The following PARD3 variants were observed in gnomAD, a reference collection of about 807,000 sequenced individuals.
PARD3 encodes the protein partitioning defective 3 homolog.
A neutral mutation model predicts 155.4 loss-of-function variants in PARD3; 75 were observed. That is an observed-to-expected ratio of 0.48 (90% CI 0.40 to 0.58). The LOEUF (loss-of-function observed/expected upper bound fraction) is 0.58, where lower values mean the gene tolerates loss of function less well. Ranked by LOEUF, PARD3 falls within the 20% of genes least tolerant of loss-of-function variation. The probability of loss-of-function intolerance (pLI) is 0.00; values close to 1 mark genes in which losing one functional copy is unlikely to be tolerated. For missense variants in PARD3, 1,642 were observed against 1,721.7 expected, an observed-to-expected ratio of 0.95 and a Z score of 0.82; for synonymous variants, 576 against 610.5, an observed-to-expected ratio of 0.94 and a Z score of 0.83.
chr10:34,281,902 G>A (rs1174740783), intron 21 of PARD3, among the ~76,000 whole-genome samples: 6 of 152,134 alleles, frequency 3.9e-5, no homozygotes, highest in South Asian at 2.1e-4. Flanking sequence ...ATAATATCCC[G>A]AGAGGTATTT....
chr10:34,245,595 C>CAAA lies in PARD3; in HGVS notation c.3419+24059_3419+24061dup, dbSNP rs34569323. Among the ~76,000 whole-genome samples the CAAA allele has an allele frequency of 5.3e-4, 81 of 151,840 alleles. 1 individual carries two copies. The highest frequency in any genetic ancestry group is 4.9e-3 in the Admixed American group (74 of 15,232). On this transcript the variant is annotated intron_variant, in intron 22 of 24. Transcript: ENST00000374788. ...ATCCCTGAAACAAAACAAAACAAAA[C>CAAA]AAAACAAAACAAAACAAAACAAGGA...
intron 1 of PARD3, among the ~76,000 whole-genome samples, chr10:34,717,957 C>A (rs1002254008): frequency 1.3e-5 from 2 of 151,904 alleles, no homozygotes; most frequent in African/African-American, 4.8e-5. Context: ...AGTTCGAGAC[C>A]ACCCTGGGCA....
intron 1 of PARD3, among the ~76,000 whole-genome samples, chr10:34,751,650 C>T (rs1836049249): frequency 6.6e-6 from 1 of 152,094 alleles, no homozygotes; most frequent in Non-Finnish European, 1.5e-5. Flanking sequence ...ATGACCCAGG[C>T]TAGAGTGTTG....
chr10:34,240,202 A>G (rs1953491941), intron 22 of PARD3, among the ~76,000 whole-genome samples: 1 of 152,224 alleles, frequency 6.6e-6, no homozygotes, highest in Admixed American at 6.5e-5. Flanking sequence ...CACTTAAAAA[A>G]TGTTCTCGTA....
intron 1 of PARD3, among the ~76,000 whole-genome samples, chr10:34,719,220 T>C (rs533102016): frequency 1.3e-5 from 2 of 152,198 alleles, no homozygotes; most frequent in Non-Finnish European, 2.9e-5. Context: ...CATCATTAAT[T>C]GTGACGTTTG....
chr10:34,249,559 G>A (rs1390876587), intron 22 of PARD3, among the ~76,000 whole-genome samples: 1 of 152,072 alleles, frequency 6.6e-6, no homozygotes, highest in Non-Finnish European at 1.5e-5. Context: ...AGTCCGTGCT[G>A]GGTATATTTT....
intron 2 of PARD3, among the ~76,000 whole-genome samples, chr10:34,671,437 C>A (rs966867774): frequency 4.6e-5 from 7 of 152,086 alleles, no homozygotes; most frequent in Admixed American, 1.3e-4. Context: ...TAGGCCACAA[C>A]GTTGAAATCT....
chr10:34,427,264 G>A (rs375018408), intron 5 of PARD3, among the ~76,000 whole-genome samples: 1 of 152,140 alleles, frequency 6.6e-6, no homozygotes, highest in Admixed American at 6.5e-5. Context: ...GAAATATTGC[G>A]GAATTCTTTC....
intron 1 of PARD3, 66 bp downstream of exon 1, chr10:34,814,810 C>A (rs1034692685): frequency 4.7e-6 from 6 of 1,274,350 alleles, no homozygotes; most frequent in Admixed American, 2.2e-5. Context: ...TTCCAGGAAG[C>A]GCCATATTGA....
chr10:34,192,201 G>T (rs1588696849), intron 22 of PARD3, among the ~76,000 whole-genome samples: 1 of 151,698 alleles, frequency 6.6e-6, no homozygotes, highest in African/African-American at 2.4e-5. Flanking sequence ...CTGAGTAGTT[G>T]GGACTACAGG....
intron 5 of PARD3, among the ~76,000 whole-genome samples, chr10:34,444,294 C>T (rs1589598813): frequency 6.6e-6 from 1 of 152,180 alleles, no homozygotes; most frequent in Non-Finnish European, 1.5e-5. Flanking sequence ...TTCTTCCAGT[C>T]ATGTATCACA....
chr10:34,230,766 G>T (rs1409126142), intron 22 of PARD3, among the ~76,000 whole-genome samples: 2 of 152,070 alleles, frequency 1.3e-5, no homozygotes, highest in African/African-American at 2.4e-5. Context: ...GGTGGCTCAC[G>T]CCCATAATCC....
intron 21 of PARD3, among the ~76,000 whole-genome samples, chr10:34,280,068 C>A (rs1956088553): frequency 6.6e-6 from 1 of 152,080 alleles, no homozygotes; most frequent in Non-Finnish European, 1.5e-5. Context: ...ACATTATAAA[C>A]CTCATTTAAT....
intron 2 of PARD3, among the ~76,000 whole-genome samples, chr10:34,538,962 G>T (rs2051901138): frequency 6.6e-6 from 1 of 152,098 alleles, no homozygotes; most frequent in Non-Finnish European, 1.5e-5. Flanking sequence ...CTCTCAAAAT[G>T]AAAAATTTTT....
At chr10:34,350,633 C>CG (rs113142401) in intron 14 of PARD3, among the ~76,000 whole-genome samples, 11,278 of 40,412 alleles carry the variant, frequency 0.28, 1,453 homozygotes, top group African/African-American at 0.45. Flanking sequence ...TCCATCTTGG[C>CG]GGGGGGGGAG....
intron 22 of PARD3, among the ~76,000 whole-genome samples, chr10:34,254,105 G>A (rs1008601631): frequency 9.9e-5 from 15 of 152,200 alleles, no homozygotes; most frequent in Admixed American, 4.6e-4. Flanking sequence ...TTTAAGGCCG[G>A]GAGTGGTGGC....
At position 34,284,713 on chromosome 10, in the gene PARD3, A is replaced by G. The variant is rs187692392; in HGVS notation, c.3066-468T>C. Among the ~76,000 whole-genome samples, 374 of 152,338 alleles carry G rather than the reference A, an allele frequency of 2.5e-3. 3 individuals carry two copies. Among genetic ancestry groups the G allele is most frequent in the African/African-American group, 8.9e-3 (368 of 41,580 alleles). ...ACAGCCAGGCTTATTGGAAACATTCATCATAGTTTAAAAACTGACAAAGGC... is the reference window on the plus strand; with the variant it reads ...ACAGCCAGGCTTATTGGAAACATTCGTCATAGTTTAAAAACTGACAAAGGC... On this transcript the variant is annotated intron_variant, in intron 20 of 24. Coordinates refer to ENST00000374788, the MANE Select transcript of PARD3 (RefSeq NM_001184785.2).
intron 23 of PARD3, among the ~76,000 whole-genome samples, chr10:34,120,953 G>C (rs948931108): frequency 1.3e-5 from 2 of 152,006 alleles, no homozygotes; most frequent in African/African-American, 4.8e-5. Flanking sequence ...AGCTACTTGG[G>C]AAGCTGAGAC....
chr10:34,171,531 A>C (rs1949791307), intron 22 of PARD3, among the ~76,000 whole-genome samples: 1 of 152,212 alleles, frequency 6.6e-6, no homozygotes, highest in African/African-American at 2.4e-5. Flanking sequence ...ACAATGTTGC[A>C]GGATCTGTGC....
Sources: allele counts gnomAD v4.1 joint callset (sites outside exome capture counted in the v4.1 genomes callset), GRCh38; gene constraint gnomAD v4.1.1; transcripts MANE v1.5; gene names NCBI Gene and HGNC (gene_info 2026-07-23, HGNC 2026-07-21).